CFAP44: variants seen among roughly 807,000 people sequenced by gnomAD.
CFAP44 encodes the protein cilia and flagella associated protein 44, also known as cilia- and flagella-associated protein 44.
A neutral mutation model predicts 216.2 loss-of-function variants in CFAP44; 134 were observed. The observed-to-expected ratio is 0.62, with a 90% CI of 0.54 to 0.72. The LOEUF (loss-of-function observed/expected upper bound fraction) is 0.72. Among genes scored for constraint, CFAP44 ranks in the 30% least tolerant of loss-of-function variants. The probability of loss-of-function intolerance (pLI) is 0.00; values close to 1 mark genes in which losing one functional copy is unlikely to be tolerated. For missense variants in CFAP44, 2,035 were observed against 2,182.1 expected (o/e 0.93, Z 1.34); for synonymous variants, 700 against 727.6 (o/e 0.96, Z 0.61).
chr3:113,431,859 T>G (rs551138745), intron 2 of CFAP44, among the ~76,000 whole-genome samples: 133 of 152,320 alleles, frequency 8.7e-4, no homozygotes, highest in African/African-American at 2.9e-3. Context: ...ATAGTCAAGA[T>G]TCCACTAAGA....
chr3:113,321,959 C>A (rs73235053), intron 28 of CFAP44, among the ~76,000 whole-genome samples: 61 of 152,266 alleles, frequency 4.0e-4, no homozygotes, highest in Non-Finnish European at 7.2e-4. Flanking sequence ...TATACAGATT[C>A]AATGCTACTC....
Position 113,426,663 on chromosome 3 carries a change from T to C in CFAP44, c.254-386A>G, listed in dbSNP as rs115052367. On this transcript the variant is annotated intron_variant, in intron 3 of 34. Transcript: ENST00000393845. ...CTCAGGTATGTGTTTATTAGCAGCA[T>C]GAGAACGGACTAATACAAAGAGTGT... 6.8e-3 allele frequency: 1,400 copies of C among 206,324 alleles called. 18 individuals are homozygous for C. The highest frequency in any genetic ancestry group is 0.03 in the African/African-American group (1,303 of 43,088). 12.8% of individuals were successfully genotyped at this position (206,324 alleles called of 1,614,324 possible). A position where few individuals can be genotyped will look rare whatever the true frequency, so the allele number is the denominator to read the frequency against.
At chr3:113,363,357 G>C in intron 20 of CFAP44, 50 bp from the exon 21 acceptor site, 1 of 1,574,590 alleles carries the variant, frequency 6.4e-7, no homozygotes, top group South Asian at 1.2e-5. Context: ...AGAAACAGCA[G>C]AGAAAGAGAA....
In CFAP44 at chr3:113,341,979, T is replaced by C. The variant is rs1576557190; in HGVS notation, c.3263-61A>G. On this transcript the variant is annotated intron_variant, in intron 23 of 34. Transcript: ENST00000393845. ...GACATAAAAACAAAACTCTCAGATA[T>C]TGTTTTTAACCTGCTGCATTAGAAA... 4 of 1,465,116 alleles carry C rather than the reference T, an allele frequency of 2.7e-6. No individual in the cohort carries two copies. In the East Asian group the frequency reaches 7.8e-5, roughly 29 times the overall value. 90.8% of individuals were successfully genotyped at this position (1,465,116 alleles called of 1,614,324 possible).
At chr3:113,363,599 A>G in intron 19 of CFAP44, 67 bp from the exon 20 acceptor site, 1 of 1,367,156 alleles carries the variant, frequency 7.3e-7, no homozygotes, top group Non-Finnish European at 9.8e-7. Flanking sequence ...AATATCTAGG[A>G]AGAAGTAAAT....
intron 1 of CFAP44, among the ~76,000 whole-genome samples, chr3:113,438,909 C>T (rs1477016185): frequency 6.6e-6 from 1 of 152,162 alleles, no homozygotes. Context: ...ACCCTGAGAG[C>T]TCAAGAAGTT....
In CFAP44 at chr3:113,401,650, G is replaced by A. The variant is rs371595791; in HGVS notation, c.1260C>T (p.Asp420=). 10 of 1,613,422 alleles carry A rather than the reference G, an allele frequency of 6.2e-6. No homozygotes were observed. The African/African-American group carries it at 1.2e-4, about 19-fold the overall frequency. ...EIEPINELQV[D]KNVNLFSMIK... is the part of the protein sequence containing the mutation. ...TCATAGAGAAGAGATTCACATTCTTGTCTACTTGAAGTTCATTAATAGGCT... is the reference window on the plus strand; with the variant it reads ...TCATAGAGAAGAGATTCACATTCTTATCTACTTGAAGTTCATTAATAGGCT... Residue 420 remains aspartate (D), a synonymous_variant, in exon 10 of 35, where the codon GAC becomes GAT. Transcript: ENST00000393845.
chr3:113,293,593 G>A (rs1559902206), intron 34 of CFAP44, among the ~76,000 whole-genome samples: 1 of 152,154 alleles, frequency 6.6e-6, no homozygotes. Flanking sequence ...AAAGCACATC[G>A]ACTCAACAAA....
At chr3:113,440,380 A>G (rs1576615271) in intron 1 of CFAP44, among the ~76,000 whole-genome samples, 1 of 152,106 alleles carries the variant, frequency 6.6e-6, no homozygotes, top group Non-Finnish European at 1.5e-5. Flanking sequence ...TATTTTTGAG[A>G]CAAAGTCTTG....
rs1292052322 is a variant in CFAP44 at position 113,379,524 on chromosome 3, T to G, written c.2080A>C (p.Arg694=). 2.5e-6 allele frequency: 4 copies of G among 1,591,826 alleles called. No homozygotes were observed. In the African/African-American group the frequency reaches 5.4e-5, roughly 21 times the overall value. The part of the protein sequence containing the change: ...LRLIEIEKRE[R]QRELKEKIRE... ...ATTTTCTCCTTCAACTCCCTTTGTC[T>G]CTCCCTCTTTTCAATTTCTATTAAT... Residue 694 remains arginine (R), a synonymous_variant, in exon 17 of 35, where the codon AGA becomes CGA. Coordinates refer to ENST00000393845, the MANE Select transcript of CFAP44 (RefSeq NM_001164496.2).
rs182118232 is a variant in CFAP44 at position 113,381,939 on chromosome 3, T to G, written c.1891-879A>C. Among the ~76,000 whole-genome samples the G allele has an allele frequency of 2.0e-5, 3 of 152,232 alleles. No homozygotes were observed. The East Asian group carries it at 5.8e-4, about 29-fold the overall frequency. On this transcript the variant is annotated intron_variant, in intron 15 of 34. Transcript: ENST00000393845. The stretch of plus-strand genomic sequence containing the variant: ...CCTGCAGAGGTGTCATAAGAACAAG[T>G]AGGTTGTATAAAGCTTTCAGAGAAA...
chr3:113,437,276 CTTTTTTCTG>C (rs1935260343), intron 1 of CFAP44, among the ~76,000 whole-genome samples: 1 of 146,884 alleles, frequency 6.8e-6, no homozygotes, highest in African/African-American at 2.7e-5. Flanking sequence ...ACTTTTCAGT[CTTTTTTCTG>C]AATAAATTTA....
intron 32 of CFAP44, among the ~76,000 whole-genome samples, chr3:113,300,476 AAT>A (rs35787993): frequency 0.25 from 37,266 of 148,056 alleles, 4,824 homozygotes; most frequent in African/African-American, 0.32. Context: ...ATATCTTATA[AAT>A]ATATATATAT....
chr3:113,404,632 C>CA (rs1378871136), intron 8 of CFAP44, among the ~76,000 whole-genome samples: 4 of 152,148 alleles, frequency 2.6e-5, no homozygotes, highest in East Asian at 1.9e-4. Context: ...TTATTTAATG[C>CA]AAAAAACCAT....
At chr3:113,423,233 G>GC (rs1046286806) in intron 4 of CFAP44, among the ~76,000 whole-genome samples, 11 of 147,106 alleles carry the variant, frequency 7.5e-5, no homozygotes, top group African/African-American at 2.8e-4. Flanking sequence ...TCCCACCTCA[G>GC]CCCCCCAGGT....
rs182993705 is a variant in CFAP44 at position 113,287,907 on chromosome 3, G to T, written c.*3650C>A. On this transcript the variant is annotated 3_prime_UTR_variant, in exon 35 of 35. Coordinates refer to ENST00000393845, the MANE Select transcript of CFAP44 (RefSeq NM_001164496.2). ...AAGATACACCAACATTGCCAGAGTA[G>T]TTGACTCACTAGTTTAAAATCAACA... The T allele has an allele frequency of 6.6e-6, 1 of 152,342 alleles. No homozygotes were observed. The highest frequency in any genetic ancestry group is 1.9e-4 in the East Asian group (1 of 5,186). 9.4% of individuals were successfully genotyped at this position (152,342 alleles called of 1,614,324 possible). A position where few individuals can be genotyped will look rare whatever the true frequency, so the allele number is the denominator to read the frequency against.
chr3:113,352,881 T>C (rs1950458101), intron 22 of CFAP44, among the ~76,000 whole-genome samples: 1 of 152,230 alleles, frequency 6.6e-6, no homozygotes, highest in South Asian at 2.1e-4. Context: ...CCAGTGTTAT[T>C]TGGTACAACT....
At chr3:113,300,568 A>T (rs1949925113) in intron 32 of CFAP44, among the ~76,000 whole-genome samples, 1 of 151,796 alleles carries the variant, frequency 6.6e-6, no homozygotes, top group South Asian at 2.1e-4. Context: ...CATAAACGTG[A>T]AAACAAAAAA....
intron 18 of CFAP44, among the ~76,000 whole-genome samples, chr3:113,367,350 A>C (rs1932979330): frequency 6.6e-6 from 1 of 152,192 alleles, no homozygotes; most frequent in Non-Finnish European, 1.5e-5. Flanking sequence ...TTCTGGGATG[A>C]AGCTTCTAGA....
Sources: allele counts gnomAD v4.1 joint callset (sites outside exome capture counted in the v4.1 genomes callset), GRCh38; gene constraint gnomAD v4.1.1; transcripts MANE v1.5; gene names NCBI Gene and HGNC (gene_info 2026-07-23, HGNC 2026-07-21).